The following PLEKHA7 variants were observed in gnomAD, a reference collection of about 807,000 sequenced individuals.
PLEKHA7 encodes the protein pleckstrin homology domain containing A7.
In PLEKHA7, 104 loss-of-function variants were observed where a neutral mutation model predicts 170.0. The observed-to-expected ratio is 0.61, with a 90% CI of 0.52 to 0.72. The LOEUF (loss-of-function observed/expected upper bound fraction) is 0.72. Ranked by LOEUF, PLEKHA7 falls within the 30% of genes least tolerant of loss-of-function variation. PLEKHA7 has a pLI of 0.00. For synonymous variants in PLEKHA7, 648 were observed against 660.8 expected (o/e 0.98, Z 0.30); for missense variants, 1,615 against 1,671.7 (o/e 0.97, Z 0.59).
intron 3 of PLEKHA7, among the ~76,000 whole-genome samples, chr11:17,008,184 C>T (rs1280567408): frequency 6.6e-6 from 1 of 152,174 alleles, no homozygotes; most frequent in Non-Finnish European, 1.5e-5. Context: ...GGTGGCTCCA[C>T]ACAACCCCAA....
intron 3 of PLEKHA7, among the ~76,000 whole-genome samples, chr11:16,977,256 T>C (rs1258738100): frequency 6.6e-6 from 1 of 152,174 alleles, no homozygotes; most frequent in East Asian, 1.9e-4. Context: ...AGAGAACTCC[T>C]GGATCCAGTG....
At chr11:16,790,525 T>C (rs1028429157) in intron 21 of PLEKHA7, 2 of 395,138 alleles carry the variant, frequency 5.1e-6, no homozygotes, top group East Asian at 4.5e-5. Context: ...GTGAATATCA[T>C]GTCTATATAA....
At chr11:16,790,018 G>T (rs1237352021) in intron 21 of PLEKHA7, 140 bp from the exon 22 acceptor site, 3 of 766,576 alleles carry the variant, frequency 3.9e-6, no homozygotes, top group Non-Finnish European at 4.4e-6. Context: ...CCTCCCCAGG[G>T]CATGGAGGAG....
intron 4 of PLEKHA7, among the ~76,000 whole-genome samples, chr11:16,864,146 T>C (rs944586335): frequency 6.6e-6 from 1 of 152,156 alleles, no homozygotes; most frequent in African/African-American, 2.4e-5. Context: ...AAGCATGGCA[T>C]CTAGGACCAG....
chr11:16,789,760 C>T lies in PLEKHA7; in HGVS notation c.3156+15G>A. On this transcript the variant is annotated intron_variant, in intron 22 of 26. Transcript: ENST00000531066. This position sits in a 1 kb window ranked among gnomAD's most constrained non-coding sequence, Gnocchi z 4.6. Reference sequence around the variant, plus strand: ...GAAGGAGCAGGGAGGTCCTCGACAGCTCAAGGCCACTCACAGGGAAGGTCG... The same window carrying T: ...GAAGGAGCAGGGAGGTCCTCGACAGTTCAAGGCCACTCACAGGGAAGGTCG... 6.2e-7 allele frequency: 1 copy of T among 1,606,830 alleles called. No homozygotes were observed.
chr11:16,892,619 C>CTTTTTT (rs10674972), intron 3 of PLEKHA7, among the ~76,000 whole-genome samples: 5,146 of 81,762 alleles, frequency 0.063, 290 homozygotes, highest in Non-Finnish European at 0.085. Flanking sequence ...CTTCCAGCTT[C>CTTTTTT]TTTTTTTTTT....
At chr11:17,006,142 G>A (rs1274262460) in intron 3 of PLEKHA7, among the ~76,000 whole-genome samples, 3 of 151,904 alleles carry the variant, frequency 2.0e-5, no homozygotes, top group Non-Finnish European at 2.9e-5. Context: ...AAGCCAAGGC[G>A]GGTGGACAGC....
chr11:16,830,152 AT>A (rs61589645), intron 9 of PLEKHA7, among the ~76,000 whole-genome samples: 24,129 of 146,942 alleles, frequency 0.16, 2,337 homozygotes, highest in African/African-American at 0.27. Flanking sequence ...CTAATTTTTA[AT>A]TTTTTTTTTT....
chr11:16,863,421 C>G (rs1025036297), intron 4 of PLEKHA7, among the ~76,000 whole-genome samples: 1 of 152,136 alleles, frequency 6.6e-6, no homozygotes, highest in Non-Finnish European at 1.5e-5. Flanking sequence ...GCAGGTCAAG[C>G]AAGGGCACCC....
intron 3 of PLEKHA7, among the ~76,000 whole-genome samples, chr11:16,911,789 G>C (rs959334710): frequency 2.6e-5 from 4 of 152,080 alleles, no homozygotes; most frequent in Non-Finnish European, 5.9e-5. Context: ...AAAAGCTTGA[G>C]AAAAAAGTTA....
At chr11:16,881,064 A>G (rs1855673560) in intron 3 of PLEKHA7, among the ~76,000 whole-genome samples, 1 of 152,242 alleles carries the variant, frequency 6.6e-6, no homozygotes, top group Non-Finnish European at 1.5e-5. Flanking sequence ...AGGGAGGTGT[A>G]GTTAATGATA....
intron 10 of PLEKHA7, 71 bp downstream of exon 10, chr11:16,826,049 G>C: frequency 1.4e-6 from 2 of 1,468,744 alleles, no homozygotes; most frequent in South Asian, 1.3e-5. Flanking sequence ...AGCAAGTGCT[G>C]GCTAAATGAC....
chr11:17,011,426 C>T (rs11024111), intron 3 of PLEKHA7, among the ~76,000 whole-genome samples: 96,434 of 151,966 alleles, frequency 0.63, 31,247 homozygotes, highest in East Asian at 0.96. Context: ...CTCAAACCCA[C>T]ATCCTCTCCA....
intron 4 of PLEKHA7, among the ~76,000 whole-genome samples, chr11:16,863,747 C>T (rs1565035729): frequency 6.6e-6 from 1 of 152,126 alleles, no homozygotes; most frequent in Non-Finnish European, 1.5e-5. Context: ...AACCACAGTC[C>T]TGGAAGTTCT....
chr11:17,007,446 C>T (rs1421320559), intron 3 of PLEKHA7, among the ~76,000 whole-genome samples: 1 of 152,086 alleles, frequency 6.6e-6, no homozygotes, highest in Non-Finnish European at 1.5e-5. Flanking sequence ...GCTCAGCCTC[C>T]CAAGTAGCTG....
At chr11:16,783,875 G>A (rs768638317) in intron 24 of PLEKHA7, 42 bp from the exon 25 acceptor site, 67 of 1,386,260 alleles carry the variant, frequency 4.8e-5, no homozygotes, top group East Asian at 1.2e-4. Context: ...AGGCTCAGAT[G>A]TCTGGGTTTA....
At chr11:16,876,820 C>CTGATT (rs1855331828) in intron 3 of PLEKHA7, among the ~76,000 whole-genome samples, 1 of 152,204 alleles carries the variant, frequency 6.6e-6, no homozygotes, top group Non-Finnish European at 1.5e-5. Context: ...GTAATATGAG[C>CTGATT]AGTGACTCCT....
At chr11:16,944,666 G>A (rs1032666554) in intron 3 of PLEKHA7, among the ~76,000 whole-genome samples, 1 of 152,176 alleles carries the variant, frequency 6.6e-6, no homozygotes, top group South Asian at 2.1e-4. Flanking sequence ...ATGTATGTGA[G>A]GTACATCATA....
chr11:16,927,645 C>G (rs1859657961), intron 3 of PLEKHA7, among the ~76,000 whole-genome samples: 1 of 152,234 alleles, frequency 6.6e-6, no homozygotes, highest in Admixed American at 6.5e-5. Flanking sequence ...CAAGAAGACA[C>G]TTTGAAGGAA....
Sources: allele counts gnomAD v4.1 joint callset (sites outside exome capture counted in the v4.1 genomes callset), GRCh38; gene constraint gnomAD v4.1.1; non-coding constraint Gnocchi (gnomAD v3.1); transcripts MANE v1.5; gene names NCBI Gene and HGNC (gene_info 2026-07-23, HGNC 2026-07-21).